Variants in NRG3 observed in about 807,000 individuals in gnomAD.
The protein encoded by NRG3 is neuregulin 3.
A neutral mutation model predicts 66.9 loss-of-function variants in NRG3; 31 were observed. That is an observed-to-expected ratio of 0.46 (90% CI 0.35 to 0.63). The LOEUF (loss-of-function observed/expected upper bound fraction) is 0.63, where lower values mean the gene tolerates loss of function less well. Ranked by LOEUF, NRG3 falls within the 20% of genes least tolerant of loss-of-function variation. NRG3 has a pLI of 0.00. For synonymous variants in NRG3, 393 were observed against 359.4 expected (o/e 1.09, Z -1.06); for missense variants, 910 against 878.9 (o/e 1.04, Z -0.45).
chr10:82,389,943 A>C (rs1589953848), intron 2 of NRG3, among the ~76,000 whole-genome samples: 1 of 152,182 alleles, frequency 6.6e-6, no homozygotes, highest in South Asian at 2.1e-4. Flanking sequence ...TACTTGGGCC[A>C]TTTATTGTAC....
chr10:82,116,590 T>C (rs79071612), intron 1 of NRG3, among the ~76,000 whole-genome samples: 1 of 152,308 alleles, frequency 6.6e-6, no homozygotes, highest in East Asian at 1.9e-4. Flanking sequence ...AGCTTGCTCA[T>C]TTAAGAGCCT....
intron 2 of NRG3, among the ~76,000 whole-genome samples, chr10:82,729,265 T>G (rs2644208): frequency 2.0e-5 from 3 of 151,990 alleles, no homozygotes; most frequent in Non-Finnish European, 4.4e-5. Flanking sequence ...CAAATTGACA[T>G]GAAGCAAAAT....
chr10:82,984,451 T>A (rs1181237686), intron 8 of NRG3, among the ~76,000 whole-genome samples: 1 of 152,142 alleles, frequency 6.6e-6, no homozygotes, highest in African/African-American at 2.4e-5. Context: ...CCCAGGCAGG[T>A]AGAGGAATTG....
chr10:82,872,329 T>G lies in NRG3; in HGVS notation c.1054+6892T>G, dbSNP rs757855398. ...TACATTTTTTCTCTTACTTTTATTA[T>G]TCTTGCTTTGAGCAATATGACTTTC... On this transcript the variant is annotated intron_variant, in intron 4 of 8. Transcript: ENST00000372141. Among the ~76,000 whole-genome samples the G allele has an allele frequency of 2.0e-5, 3 of 152,282 alleles. No homozygotes were observed. In the South Asian group the frequency reaches 6.2e-4, roughly 32 times the overall value.
chr10:81,906,814 C>G (rs1171046012), intron 1 of NRG3, among the ~76,000 whole-genome samples: 3 of 152,082 alleles, frequency 2.0e-5, no homozygotes, highest in African/African-American at 7.2e-5. Flanking sequence ...GTGAAAGATG[C>G]TATTAGCATG....
intron 1 of NRG3, among the ~76,000 whole-genome samples, chr10:82,028,463 A>T (rs1183869591): frequency 6.6e-6 from 1 of 152,190 alleles, no homozygotes; most frequent in Middle Eastern, 3.4e-3. Flanking sequence ...ACTTCTTAAT[A>T]CCTAAAATTG....
intron 1 of NRG3, among the ~76,000 whole-genome samples, chr10:81,958,833 G>A (rs1037474046): frequency 3.9e-5 from 6 of 152,002 alleles, no homozygotes; most frequent in Admixed American, 3.9e-4. Flanking sequence ...AGGTTGCAGT[G>A]AGCCAAAAAC....
intron 2 of NRG3, among the ~76,000 whole-genome samples, chr10:82,366,693 G>T (rs566220953): frequency 6.7e-6 from 1 of 150,332 alleles, no homozygotes; most frequent in South Asian, 2.1e-4. Context: ...TATTTTTTTT[G>T]CAGAAAAGAA....
At chr10:82,690,855 G>C (rs2054869662) in intron 2 of NRG3, among the ~76,000 whole-genome samples, 1 of 152,008 alleles carries the variant, frequency 6.6e-6, no homozygotes, top group South Asian at 2.1e-4. Flanking sequence ...TTTAAATGAT[G>C]TAAAAATAAA....
At chr10:82,498,341 A>T (rs1843816995) in intron 2 of NRG3, among the ~76,000 whole-genome samples, 2 of 152,148 alleles carry the variant, frequency 1.3e-5, no homozygotes, top group African/African-American at 2.4e-5. Flanking sequence ...AGATAAAAAG[A>T]TGGAAGAAAG....
At chr10:82,709,286 A>T (rs2134373203) in intron 2 of NRG3, among the ~76,000 whole-genome samples, 1 of 151,576 alleles carries the variant, frequency 6.6e-6, no homozygotes, top group East Asian at 1.9e-4. Flanking sequence ...GGATGGTGTG[A>T]CTCTAGAGCT....
chr10:82,752,952 C>T (rs917322965), intron 3 of NRG3, among the ~76,000 whole-genome samples: 2 of 152,190 alleles, frequency 1.3e-5, no homozygotes, highest in East Asian at 3.9e-4. Flanking sequence ...AACAACCCAT[C>T]TGTGAATTTG....
At chr10:82,285,974 G>C (rs1242263986) in intron 1 of NRG3, among the ~76,000 whole-genome samples, 1 of 152,178 alleles carries the variant, frequency 6.6e-6, no homozygotes, top group Non-Finnish European at 1.5e-5. Context: ...ACAAATAACT[G>C]TTGATTCTTT....
intron 1 of NRG3, among the ~76,000 whole-genome samples, chr10:82,215,597 A>G (rs2075623556): frequency 3.3e-5 from 5 of 152,182 alleles, no homozygotes; most frequent in Admixed American, 2.6e-4. Flanking sequence ...TGACAAGCCA[A>G]TGTGTTCTGA....
rs190198286 is a variant in NRG3 at position 81,951,440 on chromosome 10, G to A, written c.823+75277G>A. Among the ~76,000 whole-genome samples the A allele has an allele frequency of 2.2e-3, 339 of 152,198 alleles. 1 individual carries two copies. The highest frequency in any genetic ancestry group is 0.01 in the Middle Eastern group (3 of 294). On this transcript the variant is annotated intron_variant, in intron 1 of 8. Transcript: ENST00000372141. ...AGTTTAATAATAATCTTTGCAATTAGCGTTTGACATCCTGGAAACTCCTAC... is the reference window on the plus strand; with the variant it reads ...AGTTTAATAATAATCTTTGCAATTAACGTTTGACATCCTGGAAACTCCTAC...
At chr10:82,900,517 A>G (rs981609465) in intron 4 of NRG3, among the ~76,000 whole-genome samples, 1 of 152,176 alleles carries the variant, frequency 6.6e-6, no homozygotes. Context: ...TTTTAAACTA[A>G]TATAGGTATA....
chr10:82,145,270 C>T (rs918745440), intron 1 of NRG3, among the ~76,000 whole-genome samples: 3 of 152,146 alleles, frequency 2.0e-5, no homozygotes, highest in African/African-American at 7.2e-5. Flanking sequence ...AATGGAAGAC[C>T]CTATTTTCTT....
chr10:81,897,125 A>G (rs1843600780), intron 1 of NRG3, among the ~76,000 whole-genome samples: 1 of 152,132 alleles, frequency 6.6e-6, no homozygotes, highest in African/African-American at 2.4e-5. Context: ...TCAGAAAGAG[A>G]AAAATGGAAG....
intron 1 of NRG3, among the ~76,000 whole-genome samples, chr10:82,172,379 T>C (rs754827919): frequency 1.6e-4 from 25 of 152,088 alleles, no homozygotes; most frequent in Non-Finnish European, 3.2e-4. Context: ...CCCAAGAATA[T>C]GTGGGTTACT....
Sources: gnomAD v4.1 joint callset for allele counts (sites outside exome capture counted in the v4.1 genomes callset) on GRCh38, gnomAD v4.1.1 for gene constraint, MANE v1.5 for transcripts, NCBI Gene and HGNC (gene_info 2026-07-23, HGNC 2026-07-21) for gene names.